LGSN: variants seen among roughly 807,000 people sequenced by gnomAD.
The protein encoded by LGSN is lengsin.
LGSN carries 21 observed loss-of-function variants against 19.5 expected under a neutral mutation model. The ratio of observed to expected loss-of-function variants is 1.07; its 90% CI spans 0.76 to 1.55. The LOEUF is 1.55. Among genes scored for constraint, LGSN ranks in the 40% most tolerant of loss-of-function variants. The pLI, the probability that LGSN is intolerant of heterozygous loss-of-function variation, is 0.00. For missense variants in LGSN, 673 were observed against 608.5 expected, an observed-to-expected ratio of 1.11 and a Z score of -1.12; for synonymous variants, 257 against 215.6, an observed-to-expected ratio of 1.19 and a Z score of -1.68.
the LGSN span, among the ~76,000 whole-genome samples, chr6:63,492,434 G>A: frequency 3.9e-5 from 6 of 152,162 alleles, no homozygotes; most frequent in Admixed American, 6.6e-5. Context: ...GAAAACATCC[G>A]TAATTATACA....
At chr6:63,468,318 G>A in the LGSN span, among the ~76,000 whole-genome samples, 1 of 152,022 alleles carries the variant, frequency 6.6e-6, no homozygotes, top group African/African-American at 2.4e-5. Flanking sequence ...AGTAGAGACA[G>A]GGTTTCACCA....
chr6:63,389,027 A>G, the LGSN span, among the ~76,000 whole-genome samples: 1 of 152,188 alleles, frequency 6.6e-6, no homozygotes, highest in African/African-American at 2.4e-5. Context: ...GATGAGGAAG[A>G]CAAAAAGGGA....
chr6:63,312,197 C>T (rs1177363631), intron 1 of LGSN, among the ~76,000 whole-genome samples: 2 of 152,146 alleles, frequency 1.3e-5, no homozygotes, highest in Non-Finnish European at 2.9e-5. Flanking sequence ...ATCCATTCAT[C>T]TATTGCCAGA....
chr6:63,517,737 G>A, the LGSN span, among the ~76,000 whole-genome samples: 2 of 152,212 alleles, frequency 1.3e-5, no homozygotes, highest in African/African-American at 2.4e-5. Flanking sequence ...AGACACTGAT[G>A]GAGAATTAAA....
the LGSN span, among the ~76,000 whole-genome samples, chr6:63,368,209 G>C: frequency 6.6e-6 from 1 of 152,120 alleles, no homozygotes; most frequent in African/African-American, 2.4e-5. Context: ...CCTGCTCAGA[G>C]ACTAAAGTGC....
chr6:63,327,177 C>G, the LGSN span, among the ~76,000 whole-genome samples: 1 of 152,158 alleles, frequency 6.6e-6, no homozygotes, highest in African/African-American at 2.4e-5. Context: ...TGGGTCGGTC[C>G]AGGGGTCCTC....
chr6:63,552,143 G>C, the LGSN span, among the ~76,000 whole-genome samples: 4 of 152,150 alleles, frequency 2.6e-5, no homozygotes, highest in Admixed American at 1.3e-4. Context: ...GGTTGAACTA[G>C]TTTACAGTCC....
chr6:63,340,649 A>G, the LGSN span, among the ~76,000 whole-genome samples: 1 of 142,864 alleles, frequency 7.0e-6, no homozygotes, highest in East Asian at 2.1e-4. Flanking sequence ...TCTTTGTTGA[A>G]TTTCTCATTC....
At chr6:63,329,482 T>A in the LGSN span, among the ~76,000 whole-genome samples, 1 of 152,228 alleles carries the variant, frequency 6.6e-6, no homozygotes, top group African/African-American at 2.4e-5. Context: ...CTCCCAGAAT[T>A]GGGGTGTTGC....
chr6:63,539,067 T>G, the LGSN span, among the ~76,000 whole-genome samples: 1 of 151,870 alleles, frequency 6.6e-6, no homozygotes, highest in Admixed American at 6.6e-5. Context: ...TAATTTGTGT[T>G]TTTTTAGTAG....
At chr6:63,495,469 T>TTTTTTG in the LGSN span, among the ~76,000 whole-genome samples, 1 of 119,306 alleles carries the variant, frequency 8.4e-6, no homozygotes. Context: ...TTTTTTTTTT[T>TTTTTTG]TTTTTTTGAG....
At chr6:63,568,839 G>T in the LGSN span, among the ~76,000 whole-genome samples, 1 of 152,076 alleles carries the variant, frequency 6.6e-6, no homozygotes, top group Non-Finnish European at 1.5e-5. Flanking sequence ...GAATTTTTAG[G>T]ACTCTTGTTA....
the LGSN span, among the ~76,000 whole-genome samples, chr6:63,492,916 C>A: frequency 1.3e-5 from 2 of 152,182 alleles, no homozygotes; most frequent in Non-Finnish European, 2.9e-5. Context: ...TCTCATAAAG[C>A]TGAGAAAGAA....
chr6:63,500,717 G>C, the LGSN span, among the ~76,000 whole-genome samples: 1 of 150,162 alleles, frequency 6.7e-6, no homozygotes, highest in African/African-American at 2.5e-5. Context: ...CATCACACCT[G>C]GCAATTAGTT....
chr6:63,548,606 AG>A, the LGSN span: 2 of 315,008 alleles, frequency 6.3e-6, no homozygotes, highest in Admixed American at 8.6e-5. Context: ...AATTCAGAAA[AG>A]GTTTATTGAG....
intron 1 of LGSN, among the ~76,000 whole-genome samples, chr6:63,319,704 T>C (rs761873744): frequency 3.3e-5 from 5 of 152,302 alleles, no homozygotes; most frequent in Middle Eastern, 6.8e-3. Flanking sequence ...CTTTCCTAGA[T>C]GAATATTTTG....
the LGSN span, among the ~76,000 whole-genome samples, chr6:63,485,107 G>A: frequency 1.3e-5 from 2 of 151,952 alleles, no homozygotes; most frequent in East Asian, 3.9e-4. Context: ...GTATCATGGG[G>A]GGTTGTACAG....
chr6:63,412,554 G>GA, the LGSN span, among the ~76,000 whole-genome samples: 39 of 122,058 alleles, frequency 3.2e-4, no homozygotes, highest in African/African-American at 1.3e-3. Flanking sequence ...AAGAAAGAAA[G>GA]AAAGAAAGAA....
chr6:63,293,765 A>C (rs758076111), intron 2 of LGSN: 1 of 456,678 alleles, frequency 2.2e-6, no homozygotes. Context: ...CCTTGTCATC[A>C]TATGACAGAT....
Sources: gnomAD v4.1 joint callset for allele counts (sites outside exome capture counted in the v4.1 genomes callset) on GRCh38, gnomAD v4.1.1 for gene constraint, MANE v1.5 for transcripts, NCBI Gene and HGNC (gene_info 2026-07-23, HGNC 2026-07-21) for gene names.